KDM3B: variants seen among roughly 807,000 people sequenced by gnomAD.
KDM3B encodes lysine demethylase 3B, also known as lysine-specific demethylase 3B.
Under a neutral mutation model 170.0 loss-of-function variants are expected in KDM3B, and 10 were observed. The ratio of observed to expected loss-of-function variants is 0.06; its 90% CI spans 0.04 to 0.10. The LOEUF is 0.10. KDM3B is among the 10% of genes least tolerant of loss of function. The pLI, the probability that KDM3B is intolerant of heterozygous loss-of-function variation, is 1.00. For missense variants in KDM3B, 1,394 were observed against 2,195.2 expected (o/e 0.64, Z 7.29); for synonymous variants, 831 against 834.8 (o/e 1.00, Z 0.08).
chr5:138,353,114 GC>G, intron 1 of KDM3B, 127 bp downstream of exon 1: 2 of 803,048 alleles, frequency 2.5e-6, no homozygotes, highest in South Asian at 1.3e-4. Flanking sequence ...GGTCTCCTTA[GC>G]GCCCCCCGCC....
intron 3 of KDM3B, among the ~76,000 whole-genome samples, chr5:138,376,411 A>G (rs1354074833): frequency 4.0e-5 from 6 of 151,870 alleles, no homozygotes; most frequent in Non-Finnish European, 8.8e-5. Flanking sequence ...TCCCTTCAGA[A>G]GAGGTGGCTT....
chr5:138,431,632 T>TACC, intron 23 of KDM3B, 73 bp downstream of exon 23: 1 of 1,302,928 alleles, frequency 7.7e-7, no homozygotes, highest in Middle Eastern at 1.9e-4. Context: ...GAAAGCACAT[T>TACC]CTCCTTTCTG....
In KDM3B at chr5:138,353,567, CT is replaced by C. The variant is rs147248394; in HGVS notation, c.192+581del. 9.1e-3 allele frequency among the ~76,000 whole-genome samples: 1,384 copies of C among 152,318 alleles called. 19 individuals carry two copies. Among genetic ancestry groups the C allele is most frequent in the African/African-American group, 0.03 (1,254 of 41,562 alleles). ...TCTCCAGAAAGGCCAGCTCTCGGCA[CT>C]GTCTCGAGCTCTCCTCTCCTTTCCT... On this transcript the variant is annotated intron_variant, in intron 1 of 23. Coordinates refer to ENST00000314358, the MANE Select transcript of KDM3B (RefSeq NM_016604.4).
Position 138,374,977 on chromosome 5 carries a change from C to A in KDM3B, c.361-116C>A, listed in dbSNP as rs1761959434. The A allele has an allele frequency of 2.0e-5, 13 of 640,806 alleles. No individual in the cohort carries two copies. The South Asian group carries it at 2.4e-4, about 12-fold the overall frequency. 39.7% of individuals were successfully genotyped at this position (640,806 alleles called of 1,614,324 possible). ...TCCAAGGACTTATGCTTTAGCTTAT[C>A]TGTATTTACTGGGATGAAAGATATA... On this transcript the variant is annotated intron_variant, in intron 2 of 23. Coordinates refer to ENST00000314358, the MANE Select transcript of KDM3B (RefSeq NM_016604.4).
At position 138,429,969 on chromosome 5, in the gene KDM3B, C is replaced by T. The variant is rs181021740; in HGVS notation, c.4893+4C>T. ...GATCCGGGAGCTGCTCCGAAAGGTA[C>T]GCCCCTGGGTGGGCTGTGCTCCCAG... On this transcript the variant is annotated splice_donor_region_variant and intron_variant, in intron 21 of 23. Transcript: ENST00000314358. 131 of 1,613,964 alleles carry T rather than the reference C, an allele frequency of 8.1e-5. 1 individual carries two copies. Among genetic ancestry groups the T allele is most frequent in the East Asian group, 7.4e-4 (33 of 44,886 alleles).
intron 1 of KDM3B, among the ~76,000 whole-genome samples, chr5:138,369,031 T>C (rs1163198281): frequency 1.3e-5 from 2 of 152,228 alleles, no homozygotes; most frequent in African/African-American, 2.4e-5. Context: ...TAGAATGTTA[T>C]GATTCCTATG....
chr5:138,429,501 C>G (rs572689504), intron 20 of KDM3B, among the ~76,000 whole-genome samples: 35 of 152,280 alleles, frequency 2.3e-4, no homozygotes, highest in South Asian at 1.2e-3. Flanking sequence ...TTGAAGGGGT[C>G]TTGAGAAAAT....
rs60280463 is a variant in KDM3B, at chr5:138,388,641, T to TAAAA, written c.1380+2040_1380+2043dup. 4.2e-3 allele frequency among the ~76,000 whole-genome samples: 354 copies of TAAAA among 84,600 alleles called. 3 individuals are homozygous for TAAAA. The highest frequency in any genetic ancestry group is 0.015 in the African/African-American group (324 of 21,836). The allele number at this position is 84,600 out of a possible 152,430, so 55.5% of individuals were successfully genotyped here. A position where few individuals can be genotyped will look rare whatever the true frequency, so the allele number is the denominator to read the frequency against. ...GGGCAACAGAGCGAGACTCCGTCTT[T>TAAAA]AAAAAAAAAAAAAAAAAAAAAAAGG... On this transcript the variant is annotated intron_variant, in intron 7 of 23. Coordinates refer to ENST00000314358, the MANE Select transcript of KDM3B (RefSeq NM_016604.4).
rs114035448 is a variant in KDM3B, at chr5:138,373,199, G to C, written c.360+358G>C. Among the ~76,000 whole-genome samples, 956 of 152,132 alleles carry C rather than the reference G, an allele frequency of 6.3e-3. 17 individuals are homozygous for C. The highest frequency in any genetic ancestry group is 0.058 in the Middle Eastern group (17 of 294). ...TACAAAAAATACAAAAATTAGCTAG[G>C]TCTGGTGGCACATGTCTGTGGTCCC... On this transcript the variant is annotated intron_variant, in intron 2 of 23. Coordinates refer to ENST00000314358, the MANE Select transcript of KDM3B (RefSeq NM_016604.4).
rs1561774381 is a variant in KDM3B, at chr5:138,392,016, A to G, written c.2384A>G (p.Lys795Arg). ...QENKAPFEAV[K>R]RFSLDERSLA... is the part of the protein sequence containing the mutation. Reference sequence around the variant, plus strand: ...AACAAAGCTCCTTTTGAAGCTGTGAAAAGGTTCTCACTGGATGAACGAAGC... The same window carrying G: ...AACAAAGCTCCTTTTGAAGCTGTGAGAAGGTTCTCACTGGATGAACGAAGC... Residue 795 changes from lysine (K) to arginine (R), a missense_variant, in exon 8 of 24, where the codon AAA (lysine) becomes AGA (arginine). Coordinates refer to ENST00000314358, the MANE Select transcript of KDM3B (RefSeq NM_016604.4). 6.2e-7 allele frequency: 1 copy of G among 1,614,130 alleles called. No individual in the cohort carries two copies. Among genetic ancestry groups the G allele is most frequent in the Non-Finnish European group, 8.5e-7 (1 of 1,179,932 alleles).
intron 1 of KDM3B, among the ~76,000 whole-genome samples, chr5:138,358,604 C>T (rs1171260453): frequency 8.2e-6 from 1 of 121,360 alleles, no homozygotes; most frequent in African/African-American, 3.2e-5. Flanking sequence ...CCGCACCCAG[C>T]CTTTTTTTTT....
chr5:138,401,202 C>T (rs1461711311), intron 11 of KDM3B, among the ~76,000 whole-genome samples: 2 of 147,034 alleles, frequency 1.4e-5, no homozygotes, highest in African/African-American at 2.5e-5. Flanking sequence ...ACCCGGGAGA[C>T]GGAGGTTGCA....
intron 14 of KDM3B, among the ~76,000 whole-genome samples, chr5:138,419,728 TACAC>T (rs144047213): frequency 0.025 from 3,020 of 122,068 alleles, 74 homozygotes; most frequent in African/African-American, 0.054. Context: ...TACACACACA[TACAC>T]ACACACACAC....
chr5:138,420,139 C>T (rs777203318), intron 14 of KDM3B, among the ~76,000 whole-genome samples: 1 of 152,198 alleles, frequency 6.6e-6, no homozygotes, highest in Non-Finnish European at 1.5e-5. Context: ...ACACCTGCCT[C>T]GGCCTCCCAA....
chr5:138,416,572 C>T (rs1337652494), intron 12 of KDM3B, among the ~76,000 whole-genome samples: 1 of 125,702 alleles, frequency 8.0e-6, no homozygotes, highest in African/African-American at 3.0e-5. Context: ...CTAGGCGATA[C>T]GGTGAGACTC....
chr5:138,411,332 G>A (rs955367028), intron 11 of KDM3B, among the ~76,000 whole-genome samples: 8 of 152,182 alleles, frequency 5.3e-5, no homozygotes, highest in African/African-American at 1.2e-4. Context: ...ATTATAGAGC[G>A]AGGATTATTA....
chr5:138,381,512 G>A lies in KDM3B; in HGVS notation c.706-4G>A, dbSNP rs777160911. 1.9e-6 allele frequency: 3 copies of A among 1,553,778 alleles called. No individual in the cohort carries two copies. The highest frequency in any genetic ancestry group is 1.7e-4 in the Middle Eastern group (1 of 5,958). Reference sequence around the variant, plus strand: ...TTAAATATCTTTTTCCCCTCCTACTGTAGAGTGGTGAGATCAAGTCGGTAG... The same window carrying A: ...TTAAATATCTTTTTCCCCTCCTACTATAGAGTGGTGAGATCAAGTCGGTAG... On this transcript the variant is annotated splice_polypyrimidine_tract_variant and splice_region_variant and intron_variant, in intron 5 of 23. Transcript: ENST00000314358.
At chr5:138,410,689 A>G (rs890184086) in intron 11 of KDM3B, among the ~76,000 whole-genome samples, 1 of 152,194 alleles carries the variant, frequency 6.6e-6, no homozygotes, top group Non-Finnish European at 1.5e-5. Flanking sequence ...TATTTATTGG[A>G]TACAAAGCAA....
intron 11 of KDM3B, among the ~76,000 whole-genome samples, chr5:138,401,999 G>A (rs957064024): frequency 6.6e-6 from 1 of 151,786 alleles, no homozygotes; most frequent in Non-Finnish European, 1.5e-5. Flanking sequence ...CATCATCATG[G>A]CTCATTGCAG....
Sources: allele counts gnomAD v4.1 joint callset (sites outside exome capture counted in the v4.1 genomes callset), GRCh38; gene constraint gnomAD v4.1.1; transcripts MANE v1.5; gene names NCBI Gene and HGNC (gene_info 2026-07-23, HGNC 2026-07-21).